The following PER3 variants were observed in gnomAD, a reference collection of about 807,000 sequenced individuals.
PER3 encodes the protein period circadian regulator 3.
A neutral mutation model predicts 127.2 loss-of-function variants in PER3; 107 were observed. The ratio of observed to expected loss-of-function variants is 0.84; its 90% CI spans 0.72 to 0.99. The LOEUF (loss-of-function observed/expected upper bound fraction) is 0.99. Ranked by LOEUF, PER3 falls within the 50% of genes least tolerant of loss-of-function variation. The probability of loss-of-function intolerance (pLI) is 0.00; values close to 1 mark genes in which losing one functional copy is unlikely to be tolerated. For missense variants in PER3, 1,560 were observed against 1,525.8 expected, an observed-to-expected ratio of 1.02 and a Z score of -0.37; for synonymous variants, 618 against 585.8, an observed-to-expected ratio of 1.05 and a Z score of -0.79.
In PER3 at chr1:7,798,239, C is replaced by T. The variant is rs2097154573; in HGVS notation, c.645-286C>T. The stretch of plus-strand genomic sequence containing the variant: ...TCACAGCAGAAGGGGAAAAGTCAAA[C>T]TGGGAATGCATCACATGGAGGCCAG... On this transcript the variant is annotated intron_variant, in intron 6 of 21. Transcript: ENST00000377532. Among the ~76,000 whole-genome samples the T allele has an allele frequency of 2.6e-5, 4 of 152,206 alleles. No individual in the cohort carries two copies. The South Asian group carries it at 8.3e-4, about 32-fold the overall frequency.
chr1:7,789,911 C>T (rs1436819182), intron 5 of PER3, among the ~76,000 whole-genome samples: 1 of 152,164 alleles, frequency 6.6e-6, no homozygotes, highest in African/African-American at 2.4e-5. Flanking sequence ...TTTCTCATCC[C>T]CTTTCCTAAA....
rs140842902 is a variant in PER3, at chr1:7,819,660, C to T, written c.1658+240C>T. Among the ~76,000 whole-genome samples the T allele has an allele frequency of 7.2e-4, 109 of 152,218 alleles. No individual in the cohort carries two copies. The Middle Eastern group carries it at 0.031, about 43-fold the overall frequency. The stretch of plus-strand genomic sequence containing the variant: ...TTCAGAAGACAAGACCTAATTTTGT[C>T]AAAATTAAATGGTGTAAGGCAAGCT... On this transcript the variant is annotated intron_variant, in intron 14 of 21. Coordinates refer to ENST00000377532, the MANE Select transcript of PER3 (RefSeq NM_001377275.1).
intron 13 of PER3, among the ~76,000 whole-genome samples, chr1:7,814,190 T>C (rs1425039867): frequency 6.6e-6 from 1 of 152,196 alleles, no homozygotes; most frequent in African/African-American, 2.4e-5. Flanking sequence ...ATAGGTGTAA[T>C]TGGAATCTCA....
At chr1:7,801,849 A>G (rs1351537194) in intron 8 of PER3, among the ~76,000 whole-genome samples, 1 of 152,122 alleles carries the variant, frequency 6.6e-6, no homozygotes. Context: ...TTATTTTAAC[A>G]TTTTACTTAC....
chr1:7,827,399 G>GC lies in PER3; in HGVS notation c.2475dup (p.Gly826ArgfsTer37), dbSNP rs759378997. 30 of 1,613,936 alleles carry GC rather than the reference G, an allele frequency of 1.9e-5. No individual in the cohort carries two copies. The highest frequency in any genetic ancestry group is 6.7e-5 in the Admixed American group (4 of 60,000). On this transcript the variant is annotated frameshift_variant, in exon 18 of 22. Transcript: ENST00000377532. LOFTEE classifies it high-confidence loss of function. ...GACCTCACCCGGAAGAGAATACGCAGCCCCCGGAACTGCACCGGAAGGCCT... is the reference window on the plus strand; with the variant it reads ...GACCTCACCCGGAAGAGAATACGCAGCCCCCCGGAACTGCACCGGAAGGCCT...
intron 21 of PER3, among the ~76,000 whole-genome samples, chr1:7,837,434 G>A (rs1043307990): frequency 6.6e-6 from 1 of 152,182 alleles, no homozygotes; most frequent in African/African-American, 2.4e-5. Flanking sequence ...ACGATAAAGA[G>A]TAAAAACACC....
At chr1:7,833,160 A>T (rs2097341164) in intron 19 of PER3, among the ~76,000 whole-genome samples, 1 of 152,094 alleles carries the variant, frequency 6.6e-6, no homozygotes, top group Non-Finnish European at 1.5e-5. Context: ...TATTTTTTAA[A>T]TTTACCAAGA....
chr1:7,841,660 T>G (rs1203876358), intron 21 of PER3, among the ~76,000 whole-genome samples: 1 of 152,172 alleles, frequency 6.6e-6, no homozygotes, highest in Non-Finnish European at 1.5e-5. Flanking sequence ...AGAGTCCTAG[T>G]CTTCCTACTC....
chr1:7,797,256 C>A lies in PER3; in HGVS notation c.645-1269C>A, dbSNP rs566108847. Among the ~76,000 whole-genome samples the A allele has an allele frequency of 6.6e-5, 10 of 152,192 alleles. No individual in the cohort carries two copies. The East Asian group carries it at 1.9e-3, about 29-fold the overall frequency. On this transcript the variant is annotated intron_variant, in intron 6 of 21. Transcript: ENST00000377532. Reference sequence around the variant, plus strand: ...GGACACAGCTCACTTCCCGGTGATTCTCTTTTCTTGGTGAAATGGGAAGCA... The same window carrying A: ...GGACACAGCTCACTTCCCGGTGATTATCTTTTCTTGGTGAAATGGGAAGCA...
intron 8 of PER3, among the ~76,000 whole-genome samples, chr1:7,801,398 G>T (rs2097170135): frequency 6.6e-6 from 1 of 152,146 alleles, no homozygotes; most frequent in Non-Finnish European, 1.5e-5. Flanking sequence ...AGTTGTATTT[G>T]ATTTCTAAAC....
chr1:7,832,837 A>ATTT (rs61585135), intron 19 of PER3, among the ~76,000 whole-genome samples: 2 of 133,002 alleles, frequency 1.5e-5, no homozygotes, highest in Non-Finnish European at 1.6e-5. Context: ...CATCCCTCAA[A>ATTT]TTTTTTTTTT....
chr1:7,827,555 T>C lies in PER3; in HGVS notation c.2626T>C (p.Cys876Arg). The change falls in exon 18 of 22, where the codon TGT (cysteine) becomes CGT (arginine). Residue 876 changes from cysteine (C) to arginine (R), a missense_variant. Cys to Arg is a radical substitution (Grantham distance 180, BLOSUM62 -3). This residue lies in a region of PER3 where 1,332 missense variants were observed against 1,223.6 expected (regional missense o/e 1.09). Coordinates refer to ENST00000377532, the MANE Select transcript of PER3 (RefSeq NM_001377275.1). ...CPLLSPSFLP[C>R]PFLGATASSA... The stretch of plus-strand genomic sequence containing the variant: ...TCTGTTGTCGCCATCGTTTTTGCCA[T>C]GTCCATTCCTGGGGGCGACAGCCTC... 5 of 1,614,210 alleles carry C rather than the reference T, an allele frequency of 3.1e-6. No homozygotes were observed. The highest frequency in any genetic ancestry group is 2.2e-5 in the East Asian group (1 of 44,880).
At chr1:7,824,020 A>G (rs1174699251) in intron 16 of PER3, among the ~76,000 whole-genome samples, 1 of 152,256 alleles carries the variant, frequency 6.6e-6, no homozygotes, top group Non-Finnish European at 1.5e-5. Flanking sequence ...CAGACAACAC[A>G]TTTCTAAATC....
intron 8 of PER3, 28 bp downstream of exon 8, chr1:7,801,219 A>C: frequency 8.1e-7 from 1 of 1,235,142 alleles, no homozygotes; most frequent in South Asian, 1.3e-5. Context: ...CCTAAAAGAA[A>C]TTTGTTTCTG....
At chr1:7,829,013 C>G (rs2097316010) in intron 18 of PER3, among the ~76,000 whole-genome samples, 2 of 152,062 alleles carry the variant, frequency 1.3e-5, no homozygotes, top group Non-Finnish European at 1.5e-5. Flanking sequence ...ATATTACTTA[C>G]AAAGGAACTT....
chr1:7,844,197 AG>A lies in PER3; in HGVS notation c.*1443del. 1 of 189,488 alleles carries A rather than the reference AG, an allele frequency of 5.3e-6. No homozygotes were observed. The highest frequency in any genetic ancestry group is 1.1e-5 in the Non-Finnish European group (1 of 91,338). The allele number at this position is 189,488 out of a possible 1,614,324, so 11.7% of individuals were successfully genotyped here. ...CCTCATAGCTCAGATCTCCTTTCAA[AG>A]TAGTGGCTTTCTGGATGGTAATTCC... is the stretch of plus-strand genomic sequence containing the variant. On this transcript the variant is annotated 3_prime_UTR_variant, in exon 22 of 22. Transcript: ENST00000377532.
At chr1:7,794,889 TATATA>T (rs1202366403) in intron 6 of PER3, among the ~76,000 whole-genome samples, 1 of 150,950 alleles carries the variant, frequency 6.6e-6, no homozygotes, top group African/African-American at 2.4e-5. Context: ...TCTGTTATGT[TATATA>T]TTATGTATAT....
intron 16 of PER3, among the ~76,000 whole-genome samples, chr1:7,824,395 T>C (rs1389459994): frequency 2.6e-5 from 4 of 152,226 alleles, no homozygotes. Context: ...TTGGTTCATG[T>C]AGCTGTACAG....
At chr1:7,805,087 C>T (rs1463883489) in intron 10 of PER3, among the ~76,000 whole-genome samples, 1 of 152,082 alleles carries the variant, frequency 6.6e-6, no homozygotes, top group African/African-American at 2.4e-5. Flanking sequence ...AGGCTGGTCT[C>T]GAACTCCTGA....
Sources: allele counts gnomAD v4.1 joint callset (sites outside exome capture counted in the v4.1 genomes callset), GRCh38; gene constraint gnomAD v4.1.1; regional missense constraint gnomAD v4.1.1; transcripts MANE v1.5; gene names NCBI Gene and HGNC (gene_info 2026-07-23, HGNC 2026-07-21).